Variants in AGBL1 observed in about 807,000 individuals in gnomAD.
AGBL1 encodes AGBL carboxypeptidase 1.
AGBL1 carries 130 observed loss-of-function variants against 118.9 expected under a neutral mutation model. That is an observed-to-expected ratio of 1.09 (90% CI 0.95 to 1.26). The LOEUF is 1.26. Among genes scored for constraint, AGBL1 ranks in the 50% most tolerant of loss-of-function variants. AGBL1 has a pLI of 0.00. For missense variants in AGBL1, 1,584 were observed against 1,298.1 expected, an observed-to-expected ratio of 1.22 and a Z score of -3.38; for synonymous variants, 555 against 478.9, an observed-to-expected ratio of 1.16 and a Z score of -2.08.
At chr15:86,574,048 CA>C (rs111992452) in intron 21 of AGBL1, among the ~76,000 whole-genome samples, 1,522 of 150,718 alleles carry the variant, frequency 0.01, 24 homozygotes, top group East Asian at 0.069. Flanking sequence ...AACAAACAAA[CA>C]AAAAAAAACC....
intron 21 of AGBL1, among the ~76,000 whole-genome samples, chr15:86,632,810 T>TTTGTTTTC (rs1321823408): frequency 3.2e-5 from 1 of 31,044 alleles, no homozygotes; most frequent in Non-Finnish European, 7.5e-5. Context: ...GTTTTGTTTT[T>TTTGTTTTC]GCAGTTAATT....
At chr15:86,572,449 G>A (rs1285668186) in intron 21 of AGBL1, among the ~76,000 whole-genome samples, 2 of 152,136 alleles carry the variant, frequency 1.3e-5, no homozygotes, top group Non-Finnish European at 2.9e-5. Flanking sequence ...CTCTCCTGAC[G>A]GCTGGCAGCT....
At chr15:86,527,339 A>G (rs936594716) in intron 19 of AGBL1, among the ~76,000 whole-genome samples, 2 of 152,224 alleles carry the variant, frequency 1.3e-5, no homozygotes, top group African/African-American at 2.4e-5. Context: ...TTAAAGCATG[A>G]CAGGTGAAAG....
At chr15:86,780,280 A>G (rs892353078) in intron 22 of AGBL1, among the ~76,000 whole-genome samples, 2 of 151,924 alleles carry the variant, frequency 1.3e-5, no homozygotes, top group African/African-American at 4.9e-5. Context: ...TCAGATGACC[A>G]TATGTTTCAG....
chr15:86,165,970 C>G (rs2077336042), intron 5 of AGBL1, among the ~76,000 whole-genome samples: 2 of 152,082 alleles, frequency 1.3e-5, no homozygotes, highest in African/African-American at 4.8e-5. Flanking sequence ...GGTTAAAGCC[C>G]TTTCATCTTC....
intron 18 of AGBL1, among the ~76,000 whole-genome samples, chr15:86,406,256 C>T (rs1348306885): frequency 1.3e-5 from 2 of 152,136 alleles, no homozygotes; most frequent in Non-Finnish European, 2.9e-5. Flanking sequence ...ATTGGCAGAA[C>T]CTACTGTCAA....
chr15:86,104,286 A>T (rs755722156), intron 1 of AGBL1, among the ~76,000 whole-genome samples: 3 of 152,118 alleles, frequency 2.0e-5, no homozygotes, highest in Non-Finnish European at 4.4e-5. Flanking sequence ...CTAGGGTCCC[A>T]GTGGAATGTT....
At chr15:87,012,117 A>C (rs775951749) in intron 24 of AGBL1, among the ~76,000 whole-genome samples, 2 of 152,004 alleles carry the variant, frequency 1.3e-5, no homozygotes, top group African/African-American at 2.4e-5. Context: ...GAATAGGCTC[A>C]GGTATGCTCT....
At chr15:86,726,502 G>A (rs2086820823) in intron 22 of AGBL1, among the ~76,000 whole-genome samples, 1 of 152,196 alleles carries the variant, frequency 6.6e-6, no homozygotes, top group Non-Finnish European at 1.5e-5. Flanking sequence ...TTAGGATTGA[G>A]CAAGATAATA....
At position 86,410,878 on chromosome 15, in the gene AGBL1, T is replaced by TAATATTATA. The variant is rs2081605812; in HGVS notation, c.2555+13332_2555+13333insAATATTATA. ...TTATATATAAAATATATAATATATATTATAATATATATTATATAATATTAT... is the reference window on the plus strand; with the variant it reads ...TTATATATAAAATATATAATATATATAATATTATATATAATATATATTATATAATATTAT... On this transcript the variant is annotated intron_variant, in intron 18 of 22. Coordinates refer to ENST00000614907, the MANE Select transcript of AGBL1 (RefSeq NM_001386094.1). Among the ~76,000 whole-genome samples, 64 of 79,514 alleles carry TAATATTATA rather than the reference T, an allele frequency of 8.0e-4. 2 individuals carry two copies. The highest frequency in any genetic ancestry group is 2.9e-3 in the South Asian group (7 of 2,392). 52.2% of individuals were successfully genotyped at this position (79,514 alleles called of 152,430 possible).
intron 22 of AGBL1, among the ~76,000 whole-genome samples, chr15:86,893,367 C>T (rs1201246022): frequency 6.6e-5 from 10 of 152,130 alleles, no homozygotes; most frequent in Admixed American, 5.9e-4. Flanking sequence ...CGCAAAACTG[C>T]GTTTAAATCA....
At chr15:86,916,415 GTGTGTGTGTGTT>G (rs1353003477), downstream of AGBL1, among the ~76,000 whole-genome samples, 3 of 151,984 alleles carry the variant, frequency 2.0e-5, no homozygotes, top group Non-Finnish European at 4.4e-5. Flanking sequence ...CCTGGACTTT[GTGTGTGTGTGTT>G]TGTGTGTGTG....
chr15:86,667,108 A>G (rs1011403124), intron 21 of AGBL1, among the ~76,000 whole-genome samples: 2 of 152,150 alleles, frequency 1.3e-5, no homozygotes, highest in African/African-American at 4.8e-5. Context: ...TAATGATACC[A>G]TCATCATGCC....
At chr15:86,800,666 G>A (rs1311541480) in intron 22 of AGBL1, among the ~76,000 whole-genome samples, 1 of 152,164 alleles carries the variant, frequency 6.6e-6, no homozygotes, top group African/African-American at 2.4e-5. Flanking sequence ...GCAGTGCTAA[G>A]TTCAAGCATG....
At chr15:86,580,524 TACTC>T (rs2084159198) in intron 21 of AGBL1, among the ~76,000 whole-genome samples, 1 of 152,132 alleles carries the variant, frequency 6.6e-6, no homozygotes, top group Admixed American at 6.5e-5. Context: ...TCTAGACTAG[TACTC>T]AGTCTGTACA....
chr15:86,371,862 G>C (rs1202970764), intron 17 of AGBL1, among the ~76,000 whole-genome samples: 1 of 152,176 alleles, frequency 6.6e-6, no homozygotes, highest in African/African-American at 2.4e-5. Context: ...TGGTAACGTA[G>C]TAGAGAGTGG....
intron 15 of AGBL1, among the ~76,000 whole-genome samples, chr15:86,278,315 A>G (rs2079290752): frequency 6.6e-6 from 1 of 152,080 alleles, no homozygotes; most frequent in Non-Finnish European, 1.5e-5. Flanking sequence ...GTTACAGGGT[A>G]CCCTCCTTTC....
intron 24 of AGBL1, among the ~76,000 whole-genome samples, chr15:87,005,279 G>C (rs895196733): frequency 3.3e-5 from 5 of 152,218 alleles, no homozygotes; most frequent in African/African-American, 1.2e-4. Flanking sequence ...ATATCCTGCA[G>C]AGTGTTTTCC....
intron 21 of AGBL1, among the ~76,000 whole-genome samples, chr15:86,654,489 C>T (rs539612171): frequency 2.0e-5 from 3 of 152,138 alleles, no homozygotes; most frequent in Admixed American, 6.5e-5. Flanking sequence ...TACCCATGGC[C>T]CTGTATGCAA....
Sources: allele counts gnomAD v4.1 joint callset (sites outside exome capture counted in the v4.1 genomes callset), GRCh38; gene constraint gnomAD v4.1.1; transcripts MANE v1.5; gene names NCBI Gene and HGNC (gene_info 2026-07-23, HGNC 2026-07-21).